The following COL4A6 variants were observed in gnomAD, a reference collection of about 807,000 sequenced individuals.
COL4A6 encodes the protein collagen type IV alpha 6 chain.
Under a neutral mutation model 126.7 loss-of-function variants are expected in COL4A6, and 59 were observed. The observed-to-expected ratio is 0.47, with a 90% confidence interval of 0.38 to 0.58. The LOEUF is 0.58. Among genes scored for constraint, COL4A6 ranks in the 20% least tolerant of loss-of-function variants. The pLI is 0.00. For missense variants in COL4A6, 1,285 were observed against 1,337.3 expected, an observed-to-expected ratio of 0.96 and a Z score of 0.61; for synonymous variants, 547 against 496.6, an observed-to-expected ratio of 1.10 and a Z score of -1.35.
chrX:108,406,809 T>C (rs1399898057), intron 2 of COL4A6, among the ~76,000 whole-genome samples: 2 of 111,845 alleles, frequency 1.8e-5, no homozygotes, highest in African/African-American at 6.5e-5. Context: ...TAATATACTT[T>C]GTATATTTCA....
rs765341614 is a variant in COL4A6, at chrX:108,188,122, T to C, written c.1588-95A>G. 1.7e-5 allele frequency: 12 copies of C among 704,943 alleles called. No individual in the cohort carries two copies. In the African/African-American group the frequency reaches 2.6e-4, roughly 15 times the overall value. 58.1% of individuals were successfully genotyped at this position (704,943 alleles called of 1,213,427 possible). ...TTATGACTTAGAGCAGAACCTTGGG[T>C]ACATATTGGCACTGTTCTAGACACT... On this transcript the variant is annotated intron_variant, in intron 21 of 44. Transcript: ENST00000334504.
At chrX:108,197,620 A>G (rs1490486523) in intron 13 of COL4A6, among the ~76,000 whole-genome samples, 2 of 111,656 alleles carry the variant, frequency 1.8e-5, no homozygotes, top group Non-Finnish European at 3.8e-5. Context: ...TTCCTTTTAC[A>G]TACATACTCA....
chrX:108,327,153 C>T (rs2039176061), intron 2 of COL4A6, among the ~76,000 whole-genome samples: 1 of 110,829 alleles, frequency 9.0e-6, no homozygotes, highest in Non-Finnish European at 1.9e-5. Context: ...CTGAGTTCTG[C>T]CTCCTGTCAG....
chrX:108,230,701 A>G (rs2036281381), intron 3 of COL4A6, among the ~76,000 whole-genome samples: 1 of 111,917 alleles, frequency 8.9e-6, no homozygotes, highest in South Asian at 3.8e-4. Flanking sequence ...ATACATCTGC[A>G]AGGCAGGCGA....
At chrX:108,255,098 G>A (rs993739163) in intron 3 of COL4A6, among the ~76,000 whole-genome samples, 8 of 102,588 alleles carry the variant, frequency 7.8e-5, no homozygotes, top group Non-Finnish European at 1.6e-4. Flanking sequence ...CCTTAAGAAG[G>A]CTCTACCCAT....
intron 3 of COL4A6, among the ~76,000 whole-genome samples, chrX:108,264,633 G>A (rs767476681): frequency 1.8e-5 from 2 of 111,542 alleles, no homozygotes; most frequent in South Asian, 7.6e-4. Flanking sequence ...GGTATGTGGG[G>A]AAAGAAGAAA....
intron 3 of COL4A6, among the ~76,000 whole-genome samples, chrX:108,228,223 A>G (rs1003356182): frequency 8.9e-6 from 1 of 112,546 alleles, no homozygotes; most frequent in African/African-American, 3.2e-5. Flanking sequence ...CATCCATTCA[A>G]CAATGATTTA....
chrX:108,271,046 C>T (rs2037436917), intron 3 of COL4A6, among the ~76,000 whole-genome samples: 1 of 112,235 alleles, frequency 8.9e-6, no homozygotes, highest in African/African-American at 3.2e-5. Flanking sequence ...AGGATGCCAA[C>T]AGCTCTTTAC....
At chrX:108,238,084 ATCTG>A (rs2036479953) in intron 3 of COL4A6, among the ~76,000 whole-genome samples, 1 of 73,901 alleles carries the variant, frequency 1.4e-5, no homozygotes, top group Admixed American at 1.6e-4. Context: ...CTATCTATCT[ATCTG>A]GTTTTGGGTG....
chrX:108,345,553 A>G (rs779710840), intron 2 of COL4A6, among the ~76,000 whole-genome samples: 3 of 111,665 alleles, frequency 2.7e-5, no homozygotes, highest in Non-Finnish European at 3.8e-5. Flanking sequence ...CCTGATTACA[A>G]AACCAGGTGT....
chrX:108,392,734 G>A (rs2040865677), intron 2 of COL4A6, among the ~76,000 whole-genome samples: 1 of 111,256 alleles, frequency 9.0e-6, no homozygotes, highest in African/African-American at 3.3e-5. Context: ...AATGGTATTA[G>A]TGCCCTTATA....
intron 3 of COL4A6, among the ~76,000 whole-genome samples, chrX:108,273,630 A>C (rs945786627): frequency 1.8e-5 from 2 of 112,320 alleles, no homozygotes; most frequent in Non-Finnish European, 3.8e-5. Flanking sequence ...GTACATATAC[A>C]CCATGGAATA....
At chrX:108,244,332 C>T (rs966833191) in intron 3 of COL4A6, among the ~76,000 whole-genome samples, 1 of 111,400 alleles carries the variant, frequency 9.0e-6, no homozygotes, top group Non-Finnish European at 1.9e-5. Flanking sequence ...AGGATTAGGG[C>T]GAAAACCCAT....
intron 2 of COL4A6, among the ~76,000 whole-genome samples, chrX:108,321,483 T>C (rs1199348731): frequency 1.8e-5 from 2 of 111,636 alleles, no homozygotes; most frequent in East Asian, 5.6e-4. Flanking sequence ...TTATCAATAT[T>C]ACTCTACTTA....
chrX:108,264,175 A>G (rs774313633), intron 3 of COL4A6, among the ~76,000 whole-genome samples: 16 of 111,213 alleles, frequency 1.4e-4, no homozygotes, highest in Non-Finnish European at 3.0e-4. Flanking sequence ...AGAGAGATCT[A>G]TCATCTAGCT....
chrX:108,254,201 T>C (rs1386028909), intron 3 of COL4A6, among the ~76,000 whole-genome samples: 1 of 110,538 alleles, frequency 9.0e-6, no homozygotes, highest in Admixed American at 9.6e-5. Flanking sequence ...GGACACTACC[T>C]GGAGGCTGCT....
At chrX:108,356,667 A>G (rs538547481) in intron 2 of COL4A6, among the ~76,000 whole-genome samples, 3 of 112,216 alleles carry the variant, frequency 2.7e-5, no homozygotes, top group East Asian at 2.8e-4. Context: ...CCACAGTGTA[A>G]GAATATTAGC....
chrX:108,371,147 G>A (rs1187731511), intron 2 of COL4A6, among the ~76,000 whole-genome samples: 1 of 109,211 alleles, frequency 9.2e-6, no homozygotes, highest in Non-Finnish European at 1.9e-5. Context: ...CATTCACTAC[G>A]AACTCTACTG....
chrX:108,213,899 C>A, intron 6 of COL4A6: 2 of 377,674 alleles, frequency 5.3e-6, no homozygotes, highest in Non-Finnish European at 4.5e-6. Flanking sequence ...AAAAGGCAAC[C>A]CTAAGCAGTG....
Sources: gnomAD v4.1 joint callset for allele counts (sites outside exome capture counted in the v4.1 genomes callset) on GRCh38, gnomAD v4.1.1 for gene constraint, MANE v1.5 for transcripts, NCBI Gene and HGNC (gene_info 2026-07-23, HGNC 2026-07-21) for gene names.